SEL1L2: variants seen among roughly 807,000 people sequenced by gnomAD.
The protein encoded by SEL1L2 is SEL1L2 adaptor subunit of SYVN1 ubiquitin ligase, also known as protein sel-1 homolog 2.
In SEL1L2, 89 loss-of-function variants were observed where a neutral mutation model predicts 98.8. That is an observed-to-expected ratio of 0.90 (90% CI 0.76 to 1.07). The LOEUF (loss-of-function observed/expected upper bound fraction) is 1.07. Among genes scored for constraint, SEL1L2 ranks in the 50% least tolerant of loss-of-function variants. The pLI, the probability that SEL1L2 is intolerant of heterozygous loss-of-function variation, is 0.00. For synonymous variants in SEL1L2, 262 were observed against 278.5 expected, an observed-to-expected ratio of 0.94 and a Z score of 0.59; for missense variants, 788 against 812.0, an observed-to-expected ratio of 0.97 and a Z score of 0.36.
At chr20:13,852,686 G>T (rs1388542792) in intron 18 of SEL1L2, among the ~76,000 whole-genome samples, 1 of 152,178 alleles carries the variant, frequency 6.6e-6, no homozygotes, top group South Asian at 2.1e-4. Flanking sequence ...CTTGTTAAAA[G>T]AACATGTTTT....
intron 5 of SEL1L2, among the ~76,000 whole-genome samples, chr20:13,909,671 T>C (rs2048129969): frequency 6.6e-6 from 1 of 152,202 alleles, no homozygotes; most frequent in Admixed American, 6.5e-5. Flanking sequence ...ATAAATATCA[T>C]AGTATTTTAG....
chr20:13,919,927 A>AG (rs2048578445), intron 3 of SEL1L2, among the ~76,000 whole-genome samples: 1 of 150,118 alleles, frequency 6.7e-6, no homozygotes, highest in Admixed American at 6.7e-5. Flanking sequence ...TCCGTCTCAA[A>AG]AAAAAAAAAA....
intron 14 of SEL1L2, among the ~76,000 whole-genome samples, chr20:13,869,085 C>T (rs1046267495): frequency 5.3e-5 from 8 of 151,988 alleles, no homozygotes; most frequent in African/African-American, 1.7e-4. Flanking sequence ...CAATACAGCA[C>T]GGAGGATCAC....
intron 1 of SEL1L2, among the ~76,000 whole-genome samples, chr20:13,986,057 G>C (rs1192115899): frequency 6.6e-6 from 1 of 152,142 alleles, no homozygotes; most frequent in African/African-American, 2.4e-5. Context: ...ATTTGGGCTA[G>C]TTCCACTTTT....
chr20:13,886,268 A>G lies in SEL1L2; in HGVS notation c.900+20T>C, dbSNP rs750505694. ...GTAATTTTCATGTTCTAAAAACTCA[A>G]TCTCATCTGTATACATTACTTGTAT... is the stretch of plus-strand genomic sequence containing the variant. On this transcript the variant is annotated intron_variant, in intron 9 of 19. Coordinates refer to ENST00000284951, the MANE Select transcript of SEL1L2 (RefSeq NM_025229.2). The G allele has an allele frequency of 1.5e-5, 24 of 1,568,392 alleles. No homozygotes were observed. The highest frequency in any genetic ancestry group is 2.7e-5 in the African/African-American group (2 of 73,026).
At chr20:13,858,221 C>T (rs1490320758) in intron 18 of SEL1L2, among the ~76,000 whole-genome samples, 2 of 152,144 alleles carry the variant, frequency 1.3e-5, no homozygotes, top group Admixed American at 1.3e-4. Context: ...AATTCCCTAC[C>T]AATAATTCTC....
chr20:13,964,255 A>G (rs1188002145), intron 1 of SEL1L2, among the ~76,000 whole-genome samples: 1 of 152,050 alleles, frequency 6.6e-6, no homozygotes, highest in Non-Finnish European at 1.5e-5. Context: ...TGTCAAATAT[A>G]TCTTTATTAA....
chr20:13,934,044 T>G (rs548781256), intron 2 of SEL1L2, among the ~76,000 whole-genome samples: 1 of 151,034 alleles, frequency 6.6e-6, no homozygotes, highest in South Asian at 2.1e-4. Flanking sequence ...CATGGTGATT[T>G]GTGAGATTTT....
At chr20:13,943,587 C>T (rs573493944) in intron 2 of SEL1L2, among the ~76,000 whole-genome samples, 4 of 151,548 alleles carry the variant, frequency 2.6e-5, no homozygotes, top group South Asian at 4.2e-4. Context: ...AAATGACATT[C>T]ATTCATTCAC....
Position 13,956,133 on chromosome 20 carries a change from T to G in SEL1L2, c.59-2A>C. On this transcript the variant is annotated splice_acceptor_variant, in intron 1 of 19. Transcript: ENST00000284951. LOFTEE classifies it high-confidence loss of function. ...TATTATGTTCCTCTGCTTTGATAGC[T>G]GCAATACACAAAATTTTTTTATAAA... The G allele has an allele frequency of 6.8e-7, 1 of 1,478,998 alleles. No individual in the cohort carries two copies. The highest frequency in any genetic ancestry group is 9.2e-7 in the Non-Finnish European group (1 of 1,087,522). 91.6% of individuals were successfully genotyped at this position (1,478,998 alleles called of 1,614,324 possible).
In SEL1L2 at chr20:13,900,954, T is replaced by C. The variant is rs78430823; in HGVS notation, c.550-12442A>G. Among the ~76,000 whole-genome samples, 4 of 152,346 alleles carry C rather than the reference T, an allele frequency of 2.6e-5. No individual in the cohort carries two copies. The East Asian group carries it at 7.7e-4, about 29-fold the overall frequency. On this transcript the variant is annotated intron_variant, in intron 5 of 19. Transcript: ENST00000284951. ...ATCTCGTTTTTATTTATGAAATAAA[T>C]GACTTTGTTCTCGAATTCATTATAT...
At chr20:13,851,385 G>A (rs1386351580) in intron 18 of SEL1L2, 1 of 152,058 alleles carries the variant, frequency 6.6e-6, no homozygotes, top group Non-Finnish European at 1.5e-5. Flanking sequence ...CAAAAACAAG[G>A]GCTTGGACTG....
At chr20:13,976,027 G>C (rs1460938571) in intron 1 of SEL1L2, among the ~76,000 whole-genome samples, 1 of 151,912 alleles carries the variant, frequency 6.6e-6, no homozygotes, top group African/African-American at 2.4e-5. Flanking sequence ...TTTTGAGACA[G>C]AGTCTCGCTC....
intron 1 of SEL1L2, among the ~76,000 whole-genome samples, chr20:13,975,681 G>A (rs1037775633): frequency 2.6e-5 from 4 of 152,144 alleles, no homozygotes; most frequent in Admixed American, 2.0e-4. Context: ...TAAATGCCAA[G>A]TTCTACAATG....
intron 2 of SEL1L2, among the ~76,000 whole-genome samples, chr20:13,955,711 A>G (rs768786853): frequency 6.6e-6 from 1 of 152,226 alleles, no homozygotes; most frequent in Admixed American, 6.5e-5. Context: ...TAAGATTGAT[A>G]ACGTTTAATA....
At chr20:13,892,935 G>T (rs2047266122) in intron 5 of SEL1L2, among the ~76,000 whole-genome samples, 3 of 152,206 alleles carry the variant, frequency 2.0e-5, no homozygotes, top group Admixed American at 1.3e-4. Flanking sequence ...ATATGGCAGG[G>T]TGAAGAAATG....
rs541424345 is a variant in SEL1L2, at chr20:13,931,590, A to G, written c.283+13T>C. On this transcript the variant is annotated intron_variant, in intron 3 of 19. Transcript: ENST00000284951. ...TCATTTTAAATTTACATGTGAAAAG[A>G]TATTCTACTTACAATGATTCTTATT... is the stretch of plus-strand genomic sequence containing the variant. 1 of 1,312,776 alleles carries G rather than the reference A, an allele frequency of 7.6e-7. No homozygotes were observed. Among genetic ancestry groups the G allele is most frequent in the Admixed American group, 2.6e-5 (1 of 37,790 alleles). 81.3% of individuals were successfully genotyped at this position (1,312,776 alleles called of 1,614,324 possible).
At chr20:13,969,142 C>T (rs563035677) in intron 1 of SEL1L2, among the ~76,000 whole-genome samples, 114 of 152,302 alleles carry the variant, frequency 7.5e-4, no homozygotes, top group Middle Eastern at 3.4e-3. Context: ...ACTCAAACTA[C>T]TTGTTTTGTT....
At chr20:13,874,250 G>A (rs1225619191) in intron 12 of SEL1L2, among the ~76,000 whole-genome samples, 1 of 152,092 alleles carries the variant, frequency 6.6e-6, no homozygotes, top group Non-Finnish European at 1.5e-5. Flanking sequence ...GTGTAGCTCT[G>A]TGTCATGGTA....
Sources: allele counts gnomAD v4.1 joint callset (sites outside exome capture counted in the v4.1 genomes callset), GRCh38; gene constraint gnomAD v4.1.1; transcripts MANE v1.5; gene names NCBI Gene and HGNC (gene_info 2026-07-23, HGNC 2026-07-21).